Variants in PHKA1 observed in about 807,000 individuals in gnomAD.
PHKA1 encodes phosphorylase b kinase regulatory subunit alpha, skeletal muscle isoform.
Under a neutral mutation model 110.2 loss-of-function variants are expected in PHKA1, and 60 were observed. The observed-to-expected ratio is 0.54, with a 90% CI of 0.44 to 0.68. PHKA1 has a LOEUF of 0.68. Ranked by LOEUF, PHKA1 falls within the 30% of genes least tolerant of loss-of-function variation. PHKA1 has a pLI of 0.00. For missense variants in PHKA1, 801 were observed against 942.5 expected, an observed-to-expected ratio of 0.85 and a Z score of 1.97; for synonymous variants, 316 against 333.6, an observed-to-expected ratio of 0.95 and a Z score of 0.58.
At chrX:72,706,563 A>G (rs1424437519) in intron 2 of PHKA1, among the ~76,000 whole-genome samples, 2 of 111,636 alleles carry the variant, frequency 1.8e-5, no homozygotes, top group African/African-American at 6.5e-5. Context: ...CTAAAAGTCA[A>G]TGAATTAGAA....
chrX:72,709,844 C>T (rs5958817), intron 2 of PHKA1, among the ~76,000 whole-genome samples: 5,088 of 108,917 alleles, frequency 0.047, 302 homozygotes, highest in African/African-American at 0.16. Context: ...AGTTCCAGAC[C>T]AACCTGGTCA....
chrX:72,590,542 A>G, intron 29 of PHKA1, among the ~76,000 whole-genome samples: 1 of 112,354 alleles, frequency 8.9e-6, no homozygotes, highest in South Asian at 3.7e-4. Flanking sequence ...AATTGCAACA[A>G]AAGCCTAAAT....
At chrX:72,680,581 TAAAG>T (rs782245181) in intron 5 of PHKA1, among the ~76,000 whole-genome samples, 8 of 112,460 alleles carry the variant, frequency 7.1e-5, no homozygotes, top group African/African-American at 2.3e-4. Flanking sequence ...GAAGAAATGT[TAAAG>T]AAAGTTTTTC....
At chrX:72,586,145 G>T (rs2052425875) in intron 29 of PHKA1, among the ~76,000 whole-genome samples, 2 of 112,230 alleles carry the variant, frequency 1.8e-5, no homozygotes, top group Non-Finnish European at 3.8e-5. Context: ...CCCTCGTGTA[G>T]CTTAACTGGG....
chrX:72,598,878 T>C (rs1420308563), intron 28 of PHKA1, among the ~76,000 whole-genome samples: 3 of 111,123 alleles, frequency 2.7e-5, no homozygotes, highest in African/African-American at 6.5e-5. Context: ...ACCAATGCAA[T>C]GTAAAAAAGA....
chrX:72,662,096 T>C (rs1446607543), intron 8 of PHKA1, among the ~76,000 whole-genome samples: 1 of 112,257 alleles, frequency 8.9e-6, no homozygotes, highest in Non-Finnish European at 1.9e-5. Flanking sequence ...CAGTCCTTAC[T>C]ATAGGAGAAT....
At chrX:72,647,301 T>C (rs1462393906) in intron 13 of PHKA1, among the ~76,000 whole-genome samples, 8 of 111,533 alleles carry the variant, frequency 7.2e-5, no homozygotes, top group African/African-American at 2.6e-4. Flanking sequence ...GAGGATTCCC[T>C]AGGTATTTAC....
chrX:72,606,551 CTT>C lies in PHKA1; in HGVS notation c.2607-934_2607-933del, dbSNP rs782514393. ...TTGAATTATGTCCTCTCCTCAAATT[CTT>C]TTCTTTAAATTTTTTTTTAATTTTT... On this transcript the variant is annotated intron_variant, in intron 23 of 31. Transcript: ENST00000373542. 3.2e-3 allele frequency among the ~76,000 whole-genome samples: 352 copies of C among 110,706 alleles called. 1 individual carries two copies. Among genetic ancestry groups the C allele is most frequent in the African/African-American group, 0.011 (340 of 30,444 alleles).
At chrX:72,594,788 C>T (rs1223194604) in intron 28 of PHKA1, among the ~76,000 whole-genome samples, 2 of 112,190 alleles carry the variant, frequency 1.8e-5, no homozygotes, top group African/African-American at 3.2e-5. Context: ...CTGTCTCAAA[C>T]GAACAAACAA....
chrX:72,636,442 A>G (rs2147735384), intron 14 of PHKA1, 56 bp from the exon 15 acceptor site: 1 of 678,629 alleles, frequency 1.5e-6, no homozygotes, highest in East Asian at 3.3e-5. Flanking sequence ...TCAAATCAGC[A>G]AACATTTTTA....
chrX:72,665,797 T>C (rs1409402861), intron 8 of PHKA1, among the ~76,000 whole-genome samples: 1 of 112,106 alleles, frequency 8.9e-6, no homozygotes, highest in African/African-American at 3.2e-5. Flanking sequence ...TTCCAGTTTT[T>C]GGCAATTATG....
Position 72,593,203 on chromosome X carries a change from A to G in PHKA1, c.3144T>C (p.Asp1048=), listed in dbSNP as rs1556228374. The part of the protein sequence containing the change: ...PSAYDQQSSK[D]SRQGQWQRRR... ...GGCGTTGCCATTGACCTTGACGACT[A>G]TCTTTAGATGACTGCTGATCATATG... is the stretch of plus-strand genomic sequence containing the variant. The change falls in exon 29 of 32, where the codon GAT becomes GAC. Residue 1048 remains aspartate, a synonymous_variant. Transcript: ENST00000373542. The G allele has an allele frequency of 1.3e-5, 15 of 1,198,759 alleles. No homozygotes were observed. The highest frequency in any genetic ancestry group is 6.5e-5 in the Admixed American group (3 of 46,067).
At chrX:72,695,120 G>A (rs1473623591) in intron 4 of PHKA1, among the ~76,000 whole-genome samples, 8 of 111,358 alleles carry the variant, frequency 7.2e-5, no homozygotes, top group Non-Finnish European at 9.4e-5. Context: ...CTCAATAACC[G>A]GGTTGGAAGA....
intron 26 of PHKA1, 82 bp downstream of exon 26, chrX:72,603,037 G>T: frequency 1.6e-6 from 1 of 630,376 alleles, no homozygotes; most frequent in Non-Finnish European, 2.6e-6. Context: ...AAAGGTTTCT[G>T]TGATGAAGGA....
chrX:72,676,317 G>T (rs1361946243), intron 5 of PHKA1, among the ~76,000 whole-genome samples, 167 bp from the exon 6 acceptor site: 2 of 110,634 alleles, frequency 1.8e-5, no homozygotes, highest in African/African-American at 6.6e-5. Context: ...GTGTGGGGTG[G>T]CCCCTGCAGC....
chrX:72,670,196 C>T (rs1414241852), intron 6 of PHKA1, among the ~76,000 whole-genome samples: 20 of 111,513 alleles, frequency 1.8e-4, no homozygotes, highest in Non-Finnish European at 3.8e-4. Context: ...AGTGTCTGTT[C>T]ATATCCTTTG....
At chrX:72,709,324 A>T (rs1244333806) in intron 2 of PHKA1, 1 of 108,748 alleles carries the variant, frequency 9.2e-6, no homozygotes, top group East Asian at 2.9e-4. Flanking sequence ...ATGAGACTGT[A>T]TCTATATACC....
At chrX:72,636,910 TA>T (rs2053237852) in intron 14 of PHKA1, among the ~76,000 whole-genome samples, 1 of 111,649 alleles carries the variant, frequency 9.0e-6, no homozygotes. Flanking sequence ...GCTTTACTCT[TA>T]GGGGGCTAGC....
chrX:72,585,020 C>T (rs781792459), intron 29 of PHKA1, among the ~76,000 whole-genome samples: 110 of 107,042 alleles, frequency 1.0e-3, no homozygotes, highest in Non-Finnish European at 1.6e-3. Flanking sequence ...TCTGTCCTTG[C>T]GATAGTTTGG....
Sources: allele counts gnomAD v4.1 joint callset (sites outside exome capture counted in the v4.1 genomes callset), GRCh38; gene constraint gnomAD v4.1.1; transcripts MANE v1.5; gene names NCBI Gene and HGNC (gene_info 2026-07-23, HGNC 2026-07-21).